DLGAP2: variants seen among roughly 807,000 people sequenced by gnomAD.
The protein encoded by DLGAP2 is DLG associated protein 2, also known as disks large-associated protein 2.
Under a neutral mutation model 100.3 loss-of-function variants are expected in DLGAP2, and 26 were observed. That is an observed-to-expected ratio of 0.26 (90% CI 0.19 to 0.36). The LOEUF is 0.36. Ranked by LOEUF, DLGAP2 falls within the 10% of genes least tolerant of loss-of-function variation. DLGAP2 has a pLI of 1.00. For synonymous variants in DLGAP2, 886 were observed against 630.1 expected (o/e 1.41, Z -6.08); for missense variants, 1,858 against 1,453.2 (o/e 1.28, Z -4.53).
intron 12 of DLGAP2, among the ~76,000 whole-genome samples, chr8:1,682,119 A>G (rs377234306): frequency 1.3e-4 from 20 of 152,308 alleles, no homozygotes; most frequent in African/African-American, 4.6e-4. Flanking sequence ...GTTTCAGACA[A>G]GGGTGTGTCC....
At chr8:1,049,330 C>T (rs951619324) in intron 2 of DLGAP2, among the ~76,000 whole-genome samples, 9 of 152,136 alleles carry the variant, frequency 5.9e-5, no homozygotes, top group East Asian at 3.9e-4. Context: ...ATAATTTTAA[C>T]GTCTTCGAAG....
chr8:842,036 C>G (rs1483594266), intron 1 of DLGAP2, among the ~76,000 whole-genome samples: 1 of 152,150 alleles, frequency 6.6e-6, no homozygotes, highest in Admixed American at 6.5e-5. Flanking sequence ...TTCTCACATG[C>G]TCCCCTGTGT....
At chr8:906,176 G>A (rs766813059) in intron 1 of DLGAP2, among the ~76,000 whole-genome samples, 1 of 152,228 alleles carries the variant, frequency 6.6e-6, no homozygotes, top group Non-Finnish European at 1.5e-5. Context: ...AGACCGTGAG[G>A]GAAGAGATCC....
At chr8:1,106,182 G>A (rs1003032212) in intron 2 of DLGAP2, among the ~76,000 whole-genome samples, 1 of 144,484 alleles carries the variant, frequency 6.9e-6, no homozygotes, top group African/African-American at 2.6e-5. Flanking sequence ...CATTCTAGGA[G>A]GTTTTCTACT....
At chr8:1,194,118 A>G (rs970715299) in intron 2 of DLGAP2, among the ~76,000 whole-genome samples, 2 of 152,022 alleles carry the variant, frequency 1.3e-5, no homozygotes, top group African/African-American at 4.8e-5. Flanking sequence ...GCTGTGGAAA[A>G]TTAGATAAAG....
chr8:1,182,170 G>C (rs76774245), intron 2 of DLGAP2, among the ~76,000 whole-genome samples: 5,982 of 152,320 alleles, frequency 0.039, 437 homozygotes, highest in African/African-American at 0.14. Context: ...CACTTCGTTT[G>C]CACGGGGCAT....
At chr8:1,085,817 G>A (rs1245831458) in intron 2 of DLGAP2, among the ~76,000 whole-genome samples, 1 of 152,180 alleles carries the variant, frequency 6.6e-6, no homozygotes, top group Non-Finnish European at 1.5e-5. Flanking sequence ...TGACATTGGT[G>A]TTTTAATAGT....
rs1307386315 is a variant in DLGAP2 at position 1,250,087 on chromosome 8, G to T, written c.74-8764G>T. 1.0e-3 allele frequency among the ~76,000 whole-genome samples: 157 copies of T among 152,116 alleles called. 1 individual carries two copies. Among genetic ancestry groups the T allele is most frequent in the Non-Finnish European group, 1.2e-4 (8 of 68,036 alleles). On this transcript the variant is annotated intron_variant, in intron 2 of 14. Transcript: ENST00000637795. ...GTAGAGATGGGGTTTCACCATGTTG[G>T]TCAGGCTGGTCTCGATCTCCTGACC... is the stretch of plus-strand genomic sequence containing the variant.
At chr8:1,231,441 G>C (rs1228919807) in intron 2 of DLGAP2, among the ~76,000 whole-genome samples, 3 of 152,170 alleles carry the variant, frequency 2.0e-5, no homozygotes, top group African/African-American at 7.2e-5. Flanking sequence ...ATTTCTCAAA[G>C]AATTTAGAAC....
At chr8:1,627,272 C>G (rs1041729215) in intron 7 of DLGAP2, among the ~76,000 whole-genome samples, 2 of 152,212 alleles carry the variant, frequency 1.3e-5, no homozygotes, top group African/African-American at 2.4e-5. Flanking sequence ...TGAATTGTGC[C>G]TCAGAAAGTC....
intron 2 of DLGAP2, among the ~76,000 whole-genome samples, chr8:1,115,790 A>C (rs570770030): frequency 1.1e-4 from 17 of 152,254 alleles, no homozygotes; most frequent in African/African-American, 4.1e-4. Context: ...TTAAGGCACA[A>C]ATGACAGTTT....
chr8:1,388,545 T>G (rs112783330), intron 3 of DLGAP2, among the ~76,000 whole-genome samples: 1,371 of 23,982 alleles, frequency 0.057, 1 homozygote, highest in Middle Eastern at 0.095. Flanking sequence ...TGTCAGGGCT[T>G]TGAGAGGCAG....
intron 12 of DLGAP2, among the ~76,000 whole-genome samples, chr8:1,679,653 C>T (rs989882220): frequency 9.8e-5 from 15 of 152,342 alleles, no homozygotes; most frequent in Non-Finnish European, 1.8e-4. Context: ...CCTTATTCTC[C>T]GCCTTTCTCC....
chr8:1,706,928 G>A lies in DLGAP2; in HGVS notation c.*5522G>A, dbSNP rs936173458. ...CGGGAAACAGCCGTCTTTCATCCTT[G>A]CCACATTGAAAAATGTCCACAATTT... On this transcript the variant is annotated 3_prime_UTR_variant, in exon 15 of 15. Coordinates refer to ENST00000637795, the MANE Select transcript of DLGAP2 (RefSeq NM_001346810.2). 1 of 152,348 alleles carries A rather than the reference G, an allele frequency of 6.6e-6. No individual in the cohort carries two copies. The highest frequency in any genetic ancestry group is 2.4e-5 in the African/African-American group (1 of 41,428). 9.4% of individuals were successfully genotyped at this position (152,348 alleles called of 1,614,324 possible).
chr8:1,386,289 G>T (rs776903861), intron 3 of DLGAP2, among the ~76,000 whole-genome samples: 1 of 152,112 alleles, frequency 6.6e-6, no homozygotes, highest in Non-Finnish European at 1.5e-5. Flanking sequence ...ACCCAAAGTC[G>T]GTGAGATTAT....
intron 3 of DLGAP2, among the ~76,000 whole-genome samples, chr8:1,330,142 G>C (rs548083277): frequency 9.6e-4 from 147 of 152,340 alleles, no homozygotes; most frequent in African/African-American, 3.3e-3. Context: ...TGGGAGTGAG[G>C]AGGTGGTGGC....
At chr8:1,332,125 A>G (rs144153257) in intron 3 of DLGAP2, among the ~76,000 whole-genome samples, 128 of 152,292 alleles carry the variant, frequency 8.4e-4, no homozygotes, top group East Asian at 3.5e-3. Flanking sequence ...GCTGCAGTCA[A>G]TGTGTCCTGG....
chr8:1,477,712 T>A (rs1354478384), intron 3 of DLGAP2, among the ~76,000 whole-genome samples: 2 of 152,108 alleles, frequency 1.3e-5, no homozygotes, highest in African/African-American at 4.8e-5. Context: ...TTTCTCATGT[T>A]TAAACATATG....
intron 1 of DLGAP2, among the ~76,000 whole-genome samples, chr8:794,704 C>T (rs1415497718): frequency 6.6e-6 from 1 of 152,228 alleles, no homozygotes. Flanking sequence ...TGTTACAGTG[C>T]TGTAGAGATT....
Sources: allele counts gnomAD v4.1 joint callset (sites outside exome capture counted in the v4.1 genomes callset), GRCh38; gene constraint gnomAD v4.1.1; transcripts MANE v1.5; gene names NCBI Gene and HGNC (gene_info 2026-07-23, HGNC 2026-07-21).